Variants in EPHB1 observed in about 807,000 individuals in gnomAD.
The protein encoded by EPHB1 is EPH receptor B1, also known as ephrin type-B receptor 1.
EPHB1 carries 30 observed loss-of-function variants against 94.4 expected under a neutral mutation model. That is an observed-to-expected ratio of 0.32 (90% CI 0.24 to 0.43). EPHB1 has a LOEUF of 0.43. Ranked by LOEUF, EPHB1 falls within the 20% of genes least tolerant of loss-of-function variation. The probability of loss-of-function intolerance (pLI) is 1.00; values close to 1 mark genes in which losing one functional copy is unlikely to be tolerated. For missense variants in EPHB1, 1,055 were observed against 1,308.3 expected (o/e 0.81, Z 2.99); for synonymous variants, 522 against 489.1 (o/e 1.07, Z -0.89).
chr3:135,130,519 A>G (rs1940380042), intron 4 of EPHB1, among the ~76,000 whole-genome samples: 1 of 152,322 alleles, frequency 6.6e-6, no homozygotes, highest in South Asian at 2.1e-4. Flanking sequence ...GAGGGTGTGC[A>G]ATGTAGATAG....
intron 3 of EPHB1, among the ~76,000 whole-genome samples, chr3:135,070,381 T>C (rs1937664366): frequency 6.6e-6 from 1 of 152,196 alleles, no homozygotes; most frequent in African/African-American, 2.4e-5. Flanking sequence ...TAGAGTTTAC[T>C]TGACCTGCTT....
chr3:135,220,012 C>T (rs1428116032), intron 12 of EPHB1, among the ~76,000 whole-genome samples: 1 of 151,576 alleles, frequency 6.6e-6, no homozygotes. Context: ...ATTCAGCTCT[C>T]CAAGAGTACA....
chr3:135,093,905 G>T (rs1418843858), intron 3 of EPHB1, among the ~76,000 whole-genome samples: 1 of 152,104 alleles, frequency 6.6e-6, no homozygotes, highest in African/African-American at 2.4e-5. Context: ...ACTAACCACA[G>T]GTTTTCACCA....
chr3:134,934,856 A>G (rs189306173), intron 2 of EPHB1, among the ~76,000 whole-genome samples: 1 of 152,270 alleles, frequency 6.6e-6, no homozygotes, highest in African/African-American at 2.4e-5. Context: ...TCATCAACAG[A>G]GCAGAGACAT....
rs572201781 is a variant in EPHB1, at chr3:134,804,071, A to ATTT, written c.58+8415_58+8417dup. 6.4e-4 allele frequency among the ~76,000 whole-genome samples: 28 copies of ATTT among 43,766 alleles called. 1 individual carries two copies. The highest frequency in any genetic ancestry group is 2.3e-3 in the African/African-American group (24 of 10,512). 28.7% of individuals were successfully genotyped at this position (43,766 alleles called of 152,430 possible). ...ACCCCCACTGTGGTCATTATTGGCT[A>ATTT]TTTTTTTTTTTTTTTTTTTTTTTTT... On this transcript the variant is annotated intron_variant, in intron 1 of 15. Coordinates refer to ENST00000398015, the MANE Select transcript of EPHB1 (RefSeq NM_004441.5).
At chr3:135,138,013 TTGGA>T (rs1559847142) in intron 5 of EPHB1, among the ~76,000 whole-genome samples, 1 of 152,226 alleles carries the variant, frequency 6.6e-6, no homozygotes, top group Non-Finnish European at 1.5e-5. Context: ...GTACCTGCCA[TTGGA>T]TGATTCTGAT....
intron 3 of EPHB1, among the ~76,000 whole-genome samples, chr3:135,036,178 G>A (rs1045422315): frequency 6.6e-6 from 1 of 152,188 alleles, no homozygotes; most frequent in Non-Finnish European, 1.5e-5. Context: ...AGACAGAGGA[G>A]GCCGTTGGCA....
chr3:134,975,277 A>T (rs1052395543), intron 3 of EPHB1, among the ~76,000 whole-genome samples: 3 of 152,164 alleles, frequency 2.0e-5, no homozygotes, highest in Admixed American at 2.0e-4. Context: ...CAGGGTTGCC[A>T]TCCCTTTTGC....
At chr3:134,964,415 T>G (rs1297375979) in intron 3 of EPHB1, among the ~76,000 whole-genome samples, 1 of 152,166 alleles carries the variant, frequency 6.6e-6, no homozygotes, top group Non-Finnish European at 1.5e-5. Context: ...TAAAAGTTGG[T>G]GATAATGTCT....
intron 12 of EPHB1, among the ~76,000 whole-genome samples, chr3:135,214,779 T>C: frequency 6.6e-6 from 1 of 152,236 alleles, no homozygotes; most frequent in East Asian, 1.9e-4. Flanking sequence ...AAATTCGGCC[T>C]TCATTCATGA....
chr3:134,876,625 A>C (rs966017964), intron 1 of EPHB1, among the ~76,000 whole-genome samples: 1 of 152,122 alleles, frequency 6.6e-6, no homozygotes, highest in African/African-American at 2.4e-5. Flanking sequence ...AGTGCCAGCA[A>C]AAGGCTGCAG....
chr3:135,238,469 C>T (rs937810167), intron 12 of EPHB1, among the ~76,000 whole-genome samples: 4 of 152,214 alleles, frequency 2.6e-5, no homozygotes, highest in South Asian at 2.1e-4. Context: ...CAGGAGGGAG[C>T]GGCTCCACAG....
At chr3:135,136,036 A>G (rs868773650) in intron 5 of EPHB1, among the ~76,000 whole-genome samples, 16 of 152,214 alleles carry the variant, frequency 1.1e-4, no homozygotes, top group African/African-American at 3.6e-4. Context: ...CAGAGACTTA[A>G]AGGGATTTGG....
At position 135,035,156 on chromosome 3, in the gene EPHB1, G is replaced by T. The variant is rs1936606340; in HGVS notation, c.806-71292G>T. ...TGGAGTCACATGGCCTTAGCCTGGG[G>T]TTCTGCTGCCCACACGAAGTGGGGA... On this transcript the variant is annotated intron_variant, in intron 3 of 15. Coordinates refer to ENST00000398015, the MANE Select transcript of EPHB1 (RefSeq NM_004441.5). Among the ~76,000 whole-genome samples the T allele has an allele frequency of 2.6e-5, 4 of 152,164 alleles. No homozygotes were observed. In the South Asian group the frequency reaches 8.3e-4, roughly 31 times the overall value.
chr3:134,810,611 T>G, intron 1 of EPHB1, among the ~76,000 whole-genome samples: 1 of 152,202 alleles, frequency 6.6e-6, no homozygotes, highest in East Asian at 1.9e-4. Context: ...AAAGCAAGTG[T>G]TTCCAAGGAG....
At chr3:134,946,443 C>A (rs566612737) in intron 2 of EPHB1, among the ~76,000 whole-genome samples, 34 of 152,312 alleles carry the variant, frequency 2.2e-4, no homozygotes, top group African/African-American at 7.7e-4. Context: ...TATCATGAGG[C>A]CTTTGTACCT....
At chr3:135,154,312 A>G in intron 6 of EPHB1, 36 bp downstream of exon 6, 2 of 1,612,702 alleles carry the variant, frequency 1.2e-6, no homozygotes, top group Non-Finnish European at 8.5e-7. Flanking sequence ...GCAAGACCCA[A>G]GGCCAGCCAC....
At chr3:135,226,577 C>T (rs899012773) in intron 12 of EPHB1, among the ~76,000 whole-genome samples, 5 of 152,074 alleles carry the variant, frequency 3.3e-5, no homozygotes, top group Non-Finnish European at 7.4e-5. Flanking sequence ...ACCCTGAATT[C>T]GACTCTTTCC....
At chr3:135,180,559 T>G (rs1012417148) in intron 10 of EPHB1, among the ~76,000 whole-genome samples, 1 of 152,202 alleles carries the variant, frequency 6.6e-6, no homozygotes, top group African/African-American at 2.4e-5. Context: ...AAGACGAATT[T>G]CACTCTCAAG....
Sources: allele counts gnomAD v4.1 joint callset (sites outside exome capture counted in the v4.1 genomes callset), GRCh38; gene constraint gnomAD v4.1.1; transcripts MANE v1.5; gene names NCBI Gene and HGNC (gene_info 2026-07-23, HGNC 2026-07-21).